The following NCK2 variants were observed in gnomAD, a reference collection of about 807,000 sequenced individuals.
The protein encoded by NCK2 is NCK adaptor protein 2.
In NCK2, 16 loss-of-function variants were observed where a neutral mutation model predicts 33.9. The observed-to-expected ratio is 0.47, with a 90% confidence interval of 0.32 to 0.72. The LOEUF (loss-of-function observed/expected upper bound fraction) is 0.72, where lower values mean the gene tolerates loss of function less well. NCK2 is among the 30% of genes least tolerant of loss of function. The pLI is 0.03. For missense variants in NCK2, 418 were observed against 537.3 expected, an observed-to-expected ratio of 0.78 and a Z score of 2.19; for synonymous variants, 273 against 239.9, an observed-to-expected ratio of 1.14 and a Z score of -1.27.
chr2:105,754,899 CA>C (rs1689557575), intron 1 of NCK2, among the ~76,000 whole-genome samples: 1 of 152,012 alleles, frequency 6.6e-6, no homozygotes, highest in Non-Finnish European at 1.5e-5. Flanking sequence ...CAGAATCTAG[CA>C]AGATGGTTAT....
intron 1 of NCK2, among the ~76,000 whole-genome samples, chr2:105,799,522 G>A (rs1421657750): frequency 6.6e-6 from 1 of 152,100 alleles, no homozygotes; most frequent in Non-Finnish European, 1.5e-5. Context: ...AGAGGCCTCT[G>A]GGTCTGTTTC....
intron 1 of NCK2, among the ~76,000 whole-genome samples, chr2:105,749,234 C>T (rs776780961): frequency 3.3e-5 from 5 of 152,286 alleles, no homozygotes; most frequent in African/African-American, 4.8e-5. Flanking sequence ...TGTGTCACCC[C>T]TTCTTTCTAC....
At chr2:105,871,985 G>A (rs1314429981) in intron 3 of NCK2, among the ~76,000 whole-genome samples, 1 of 152,198 alleles carries the variant, frequency 6.6e-6, no homozygotes, top group Non-Finnish European at 1.5e-5. Context: ...AAAGGGACAT[G>A]GAAGACTGGG....
chr2:105,764,914 G>A (rs1232711497), intron 1 of NCK2, among the ~76,000 whole-genome samples: 1 of 152,056 alleles, frequency 6.6e-6, no homozygotes, highest in South Asian at 2.1e-4. Flanking sequence ...AGTTGAAAGC[G>A]CCACACTTGC....
chr2:105,819,704 A>G (rs999167340), intron 2 of NCK2, among the ~76,000 whole-genome samples: 1 of 152,254 alleles, frequency 6.6e-6, no homozygotes, highest in Non-Finnish European at 1.5e-5. Context: ...TTACAAAAAT[A>G]TCTACCCATG....
chr2:105,748,433 G>A (rs1445155458), intron 1 of NCK2, among the ~76,000 whole-genome samples: 1 of 152,036 alleles, frequency 6.6e-6, no homozygotes, highest in African/African-American at 2.4e-5. Flanking sequence ...CACCCAGGCT[G>A]GAGTACAGTA....
At chr2:105,886,680 TGACACTATGGAAA>T (rs1209196314) in intron 4 of NCK2, among the ~76,000 whole-genome samples, 1 of 152,192 alleles carries the variant, frequency 6.6e-6, no homozygotes, top group African/African-American at 2.4e-5. Context: ...ACATCAGGTA[TGACACTATGGAAA>T]GACAAAGAAT....
Position 105,753,812 on chromosome 2 carries a change from G to T in NCK2, c.-201+8674G>T, listed in dbSNP as rs926173760. 3.3e-5 allele frequency among the ~76,000 whole-genome samples: 5 copies of T among 152,212 alleles called. No individual in the cohort carries two copies. In the East Asian group the frequency reaches 9.6e-4, roughly 29 times the overall value. On this transcript the variant is annotated intron_variant, in intron 1 of 4. Transcript: ENST00000233154. ...GACATACCAAATCCTTTTCCTTTGT[G>T]CTTTTATGACATCTGGGAAGGTCTT...
At chr2:105,828,304 C>T (rs1262709063) in intron 2 of NCK2, among the ~76,000 whole-genome samples, 1 of 152,186 alleles carries the variant, frequency 6.6e-6, no homozygotes, top group Non-Finnish European at 1.5e-5. Context: ...ACGAATTTCC[C>T]TGTTCCCTGC....
intron 1 of NCK2, among the ~76,000 whole-genome samples, chr2:105,753,341 GCTC>G (rs1689513584): frequency 1.3e-5 from 2 of 152,184 alleles, no homozygotes; most frequent in South Asian, 4.1e-4. Context: ...TGGCCTGGCT[GCTC>G]CTCTCCCCCA....
Position 105,764,063 on chromosome 2 carries a change from A to G in NCK2, c.-201+18925A>G, listed in dbSNP as rs534881370. On this transcript the variant is annotated intron_variant, in intron 1 of 4. Transcript: ENST00000233154. Reference sequence around the variant, plus strand: ...GAGGCTGCCCTCAGCCCCGTTTAACAGATGAGGTAGCTGAGATGGAGAAGC... The same window carrying G: ...GAGGCTGCCCTCAGCCCCGTTTAACGGATGAGGTAGCTGAGATGGAGAAGC... 6.8e-4 allele frequency among the ~76,000 whole-genome samples: 103 copies of G among 152,392 alleles called. 1 individual carries two copies. Among genetic ancestry groups the G allele is most frequent in the African/African-American group, 2.5e-3 (102 of 41,602 alleles).
intron 1 of NCK2, among the ~76,000 whole-genome samples, chr2:105,806,676 T>C (rs1054788370): frequency 1.3e-5 from 2 of 151,972 alleles, no homozygotes; most frequent in African/African-American, 4.8e-5. Context: ...TGGGACACTG[T>C]AATATCTATG....
intron 2 of NCK2, among the ~76,000 whole-genome samples, chr2:105,818,387 C>G (rs1186027428): frequency 6.6e-6 from 1 of 151,428 alleles, no homozygotes; most frequent in Non-Finnish European, 1.5e-5. Flanking sequence ...TATAACAAAC[C>G]TGCACGTTTT....
In NCK2 at chr2:105,855,360, T is replaced by A. The variant is rs554384564; in HGVS notation, c.226+71T>A. The A allele has an allele frequency of 2.6e-6, 3 of 1,168,672 alleles. No homozygotes were observed. The South Asian group carries it at 5.2e-5, about 20-fold the overall frequency. The allele number at this position is 1,168,672 out of a possible 1,614,324, so 72.4% of individuals were successfully genotyped here. A position where few individuals can be genotyped will look rare whatever the true frequency, so the allele number is the denominator to read the frequency against. ...GACACTGTTCGTCTTTCTAGTTAGT[T>A]TGCTGTTTCAAAAAAAAAAAAGTCT... On this transcript the variant is annotated intron_variant, in intron 3 of 4. Transcript: ENST00000233154.
At chr2:105,890,337 G>T (rs1224813943) in intron 4 of NCK2, among the ~76,000 whole-genome samples, 1 of 152,190 alleles carries the variant, frequency 6.6e-6, no homozygotes, top group Non-Finnish European at 1.5e-5. Flanking sequence ...AAAATTGGGT[G>T]TATCTTACAT....
chr2:105,780,071 C>G (rs951191849), intron 1 of NCK2, among the ~76,000 whole-genome samples: 3 of 152,110 alleles, frequency 2.0e-5, no homozygotes, highest in South Asian at 2.1e-4. Flanking sequence ...TTACCTTATT[C>G]AATGGCATTA....
At chr2:105,842,800 C>T (rs1253618749) in intron 2 of NCK2, among the ~76,000 whole-genome samples, 5 of 146,018 alleles carry the variant, frequency 3.4e-5, no homozygotes, top group East Asian at 2.1e-4. Flanking sequence ...GGACCCAGCC[C>T]GTGGCAGGAG....
At chr2:105,807,007 C>A (rs551865574) in intron 1 of NCK2, among the ~76,000 whole-genome samples, 4 of 152,182 alleles carry the variant, frequency 2.6e-5, no homozygotes, top group African/African-American at 4.8e-5. Flanking sequence ...CTATCCCACA[C>A]CCTCATGCTG....
rs191252350 is a variant in NCK2 at position 105,749,937 on chromosome 2, C to T, written c.-201+4799C>T. ...CCCAGCTACTCGGGAGGCTGAGTCA[C>T]GCGAATTGCTTGAACCCAGGAGGCG... On this transcript the variant is annotated intron_variant, in intron 1 of 4. Coordinates refer to ENST00000233154, the MANE Select transcript of NCK2 (RefSeq NM_003581.5). Among the ~76,000 whole-genome samples the T allele has an allele frequency of 3.4e-3, 516 of 151,940 alleles. 5 individuals are homozygous for T. Among genetic ancestry groups the T allele is most frequent in the African/African-American group, 0.012 (480 of 41,430 alleles).
Sources: gnomAD v4.1 joint callset for allele counts (sites outside exome capture counted in the v4.1 genomes callset) on GRCh38, gnomAD v4.1.1 for gene constraint, MANE v1.5 for transcripts, NCBI Gene and HGNC (gene_info 2026-07-23, HGNC 2026-07-21) for gene names.